SCG5: variants seen among roughly 807,000 people sequenced by gnomAD.
The protein encoded by SCG5 is neuroendocrine protein 7B2.
A neutral mutation model predicts 25.7 loss-of-function variants in SCG5; 18 were observed. That is an observed-to-expected ratio of 0.70 (90% CI 0.48 to 1.04). The LOEUF is 1.04. SCG5 is among the 50% of genes least tolerant of loss of function. The probability of loss-of-function intolerance (pLI) is 0.00; values close to 1 mark genes in which losing one functional copy is unlikely to be tolerated. For synonymous variants in SCG5, 101 were observed against 91.7 expected (o/e 1.10, Z -0.58); for missense variants, 206 against 259.8 (o/e 0.79, Z 1.42).
At chr15:32,695,916 AT>A (rs1193465443) in intron 5 of SCG5, among the ~76,000 whole-genome samples, 6 of 152,118 alleles carry the variant, frequency 3.9e-5, no homozygotes, top group African/African-American at 1.4e-4. Flanking sequence ...AAAAATAATA[AT>A]TTTTAAAAAG....
chr15:32,672,521 T>C, intron 2 of SCG5, among the ~76,000 whole-genome samples: 1 of 152,140 alleles, frequency 6.6e-6, no homozygotes, highest in East Asian at 1.9e-4. Context: ...CCCAGAGCCA[T>C]TTTGCCGGGG....
At position 32,696,505 on chromosome 15, in the gene SCG5, G is replaced by GT. The variant is rs1435780987; in HGVS notation, c.544-4dup. The stretch of plus-strand genomic sequence containing the variant: ...CAAACCACATGGTTTTTGTTTGTTT[G>GT]TTTTTCAGAGTGTCAATCCATATCT... On this transcript the variant is annotated splice_polypyrimidine_tract_variant and intron_variant, in intron 5 of 5. Coordinates refer to ENST00000300175, the MANE Select transcript of SCG5 (RefSeq NM_001144757.3). The GT allele has an allele frequency of 6.3e-7, 1 of 1,595,504 alleles. No individual in the cohort carries two copies. The highest frequency in any genetic ancestry group is 8.6e-7 in the Non-Finnish European group (1 of 1,165,010).
intron 3 of SCG5, among the ~76,000 whole-genome samples, chr15:32,682,555 A>G (rs1595815514): frequency 6.6e-6 from 1 of 152,350 alleles, no homozygotes; most frequent in Non-Finnish European, 1.5e-5. Flanking sequence ...GAGGACAGCA[A>G]TCAAGCTGGC....
intron 2 of SCG5, among the ~76,000 whole-genome samples, chr15:32,651,412 G>A (rs1460867665): frequency 3.3e-5 from 5 of 152,206 alleles, no homozygotes; most frequent in Admixed American, 6.5e-5. Context: ...CAGTGCCTCC[G>A]CTTTGCCACA....
Position 32,679,915 on chromosome 15 carries a change from G to C in SCG5, c.376G>C (p.Ala126Pro), listed in dbSNP as rs375148800. Reference protein sequence around the residue: ...PPNPCPVGKTADDGCLENTPD... With the variant: ...PPNPCPVGKTPDDGCLENTPD... ...AAATCCCTGTCCTGTTGGAAAAACA[G>C]GTAACAGATATGCCTTTGGGTTCCC... is the stretch of plus-strand genomic sequence containing the variant. The change falls in exon 3 of 6, where the codon GCA becomes CCA. Residue 126 changes from alanine (A) to proline (P), a missense_variant and splice_region_variant. Ala to Pro is a conservative substitution (Grantham distance 27). Coordinates refer to ENST00000300175, the MANE Select transcript of SCG5 (RefSeq NM_001144757.3). The C allele has an allele frequency of 6.1e-5, 98 of 1,608,474 alleles. No individual in the cohort carries two copies. The highest frequency in any genetic ancestry group is 8.1e-5 in the Non-Finnish European group (95 of 1,177,314).
intron 2 of SCG5, among the ~76,000 whole-genome samples, chr15:32,659,389 G>A (rs1026467255): frequency 5.3e-5 from 8 of 152,136 alleles, no homozygotes; most frequent in African/African-American, 1.7e-4. Context: ...CAAGTTAGAC[G>A]ATCCCAGGTG....
intron 5 of SCG5, among the ~76,000 whole-genome samples, chr15:32,694,948 A>G (rs1467442273): frequency 6.6e-6 from 1 of 151,978 alleles, no homozygotes; most frequent in Non-Finnish European, 1.5e-5. Context: ...GACTCCATTC[A>G]TACATGGGGA....
chr15:32,654,680 G>A (rs974072022), intron 2 of SCG5, among the ~76,000 whole-genome samples: 5 of 152,120 alleles, frequency 3.3e-5, no homozygotes, highest in East Asian at 3.8e-4. Flanking sequence ...TGGCATTGAT[G>A]ATGAGGAAGA....
intron 2 of SCG5, 131 bp from the exon 3 acceptor site, chr15:32,679,635 G>C: frequency 1.0e-6 from 1 of 973,592 alleles, no homozygotes; most frequent in South Asian, 1.5e-5. Context: ...TAGAGGGCAA[G>C]AACCATTTCA....
intron 2 of SCG5, among the ~76,000 whole-genome samples, chr15:32,652,318 A>G (rs958099090): frequency 2.6e-5 from 4 of 152,318 alleles, no homozygotes; most frequent in African/African-American, 9.6e-5. Context: ...AAGAAATGCA[A>G]CGTATAAATG....
In SCG5 at chr15:32,696,519, C is replaced by T. The variant is rs2140625733; in HGVS notation, c.549C>T (p.Val183=). The T allele has an allele frequency of 6.2e-7, 1 of 1,608,836 alleles. No homozygotes were observed. The highest frequency in any genetic ancestry group is 2.2e-5 in the East Asian group (1 of 44,878). Residue 183 remains valine (V), a synonymous_variant, in exon 6 of 6, where the codon GTC becomes GTT. Coordinates refer to ENST00000300175, the MANE Select transcript of SCG5 (RefSeq NM_001144757.3). The part of the protein sequence containing the change: ...KGGERRKRRS[V]NPYLQGQRLD... Reference sequence around the variant, plus strand: ...TTTGTTTGTTTGTTTTTCAGAGTGTCAATCCATATCTACAAGGACAGAGAC... The same window carrying T: ...TTTGTTTGTTTGTTTTTCAGAGTGTTAATCCATATCTACAAGGACAGAGAC...
intron 2 of SCG5, among the ~76,000 whole-genome samples, chr15:32,650,214 C>T (rs1291544620): frequency 6.6e-6 from 1 of 152,208 alleles, no homozygotes; most frequent in African/African-American, 2.4e-5. Context: ...TCTCCTGCCT[C>T]AGCCTCGCGA....
intron 5 of SCG5, among the ~76,000 whole-genome samples, chr15:32,693,542 G>A (rs1190117281): frequency 6.6e-6 from 1 of 152,138 alleles, no homozygotes; most frequent in Non-Finnish European, 1.5e-5. Flanking sequence ...TTCCCATCTT[G>A]ATTAAAGACA....
chr15:32,661,544 C>T (rs928949095), intron 2 of SCG5, among the ~76,000 whole-genome samples: 7 of 152,004 alleles, frequency 4.6e-5, no homozygotes, highest in Non-Finnish European at 7.4e-5. Flanking sequence ...CACTTGAACC[C>T]GGGAGGCAGA....
chr15:32,650,867 T>C (rs960944447), intron 2 of SCG5, among the ~76,000 whole-genome samples: 3 of 152,192 alleles, frequency 2.0e-5, no homozygotes, highest in African/African-American at 7.2e-5. Context: ...ATTTGATGGC[T>C]CTGAGTAATT....
intron 2 of SCG5, among the ~76,000 whole-genome samples, chr15:32,666,150 T>C (rs954862771): frequency 1.3e-5 from 2 of 152,074 alleles, no homozygotes; most frequent in East Asian, 3.8e-4. Context: ...CACAAGGGAG[T>C]TGAGTGATGG....
At chr15:32,650,680 T>G (rs1226018993) in intron 2 of SCG5, among the ~76,000 whole-genome samples, 1 of 152,036 alleles carries the variant, frequency 6.6e-6, no homozygotes, top group African/African-American at 2.4e-5. Context: ...TGGATGGCCT[T>G]GGATGAATCC....
chr15:32,688,531 C>T (rs542224437), intron 4 of SCG5, among the ~76,000 whole-genome samples: 24 of 152,208 alleles, frequency 1.6e-4, no homozygotes, highest in East Asian at 1.3e-3. Flanking sequence ...GTGATTAGAC[C>T]TGCTTAGTAT....
intron 4 of SCG5, among the ~76,000 whole-genome samples, chr15:32,688,972 A>AT (rs2054788349): frequency 6.6e-6 from 1 of 151,456 alleles, no homozygotes; most frequent in African/African-American, 2.4e-5. Context: ...AAAAAAAAAA[A>AT]AAGAAATTAA....
Sources: allele counts gnomAD v4.1 joint callset (sites outside exome capture counted in the v4.1 genomes callset), GRCh38; gene constraint gnomAD v4.1.1; transcripts MANE v1.5; gene names NCBI Gene and HGNC (gene_info 2026-07-23, HGNC 2026-07-21).